FOCAD: variants seen among roughly 807,000 people sequenced by gnomAD.
FOCAD encodes focadhesin, also known as KIAA1797.
FOCAD carries 198 observed loss-of-function variants against 225.6 expected under a neutral mutation model. The observed-to-expected ratio is 0.88, with a 90% CI of 0.78 to 0.99. The LOEUF is 0.99. Ranked by LOEUF, FOCAD falls within the 50% of genes least tolerant of loss-of-function variation. The pLI is 0.00. For missense variants in FOCAD, 2,713 were observed against 2,123.6 expected, an observed-to-expected ratio of 1.28 and a Z score of -5.46; for synonymous variants, 897 against 755.0, an observed-to-expected ratio of 1.19 and a Z score of -3.08.
intron 21 of FOCAD, among the ~76,000 whole-genome samples, chr9:20,894,974 A>G (rs1272475676): frequency 2.0e-5 from 3 of 152,182 alleles, no homozygotes; most frequent in South Asian, 2.1e-4. Context: ...GTTGATATCT[A>G]TAATCTATTT....
intron 16 of FOCAD, among the ~76,000 whole-genome samples, chr9:20,865,578 G>T (rs752038325): frequency 1.3e-5 from 2 of 152,000 alleles, no homozygotes; most frequent in African/African-American, 4.8e-5. Flanking sequence ...ACCATGTGCC[G>T]TATGGCCACA....
intron 8 of FOCAD, among the ~76,000 whole-genome samples, chr9:20,776,944 A>G (rs547406542): frequency 3.9e-5 from 6 of 152,330 alleles, no homozygotes; most frequent in Admixed American, 6.5e-5. Flanking sequence ...GTTGGTTTCA[A>G]AATGCATGTA....
intron 1 of FOCAD, among the ~76,000 whole-genome samples, chr9:20,688,811 GT>G (rs1300212634): frequency 6.6e-6 from 1 of 152,192 alleles, no homozygotes; most frequent in Non-Finnish European, 1.5e-5. Context: ...GCTAACTACA[GT>G]TTTTGGAAGG....
At chr9:20,706,424 G>A (rs1824393752) in intron 1 of FOCAD, among the ~76,000 whole-genome samples, 1 of 152,080 alleles carries the variant, frequency 6.6e-6, no homozygotes, top group Admixed American at 6.6e-5. Context: ...TTTATTAAAT[G>A]GCAGCCAGTG....
chr9:20,991,835 A>C (rs2132711464), intron 42 of FOCAD, among the ~76,000 whole-genome samples: 1 of 146,306 alleles, frequency 6.8e-6, no homozygotes, highest in African/African-American at 2.5e-5. Context: ...AAAAAAAAAA[A>C]TTTAAATGTG....
intron 9 of FOCAD, among the ~76,000 whole-genome samples, chr9:20,779,489 G>A (rs1240926233): frequency 2.0e-5 from 3 of 152,212 alleles, no homozygotes; most frequent in Non-Finnish European, 4.4e-5. Context: ...GCTCATGCTT[G>A]TAATCCCAAC....
intron 11 of FOCAD, among the ~76,000 whole-genome samples, chr9:20,808,152 G>A (rs1822664769): frequency 6.6e-6 from 1 of 152,172 alleles, no homozygotes; most frequent in Non-Finnish European, 1.5e-5. Flanking sequence ...ATTAAGAACA[G>A]GAGTTTTTCA....
rs542695384 is a variant in FOCAD at position 20,874,901 on chromosome 9, AC to A, written c.2317+96del. The stretch of plus-strand genomic sequence containing the variant: ...TGTGATAGGTACATAGTATAGTTTA[AC>A]CTTATGTGCTTATTTTTTAACCAGA... On this transcript the variant is annotated intron_variant, in intron 19 of 43. Coordinates refer to ENST00000338382, the MANE Select transcript of FOCAD (RefSeq NM_001375567.1). The A allele has an allele frequency of 1.4e-4, 201 of 1,464,754 alleles. No homozygotes were observed. In the Middle Eastern group the frequency reaches 1.6e-3, roughly 11 times the overall value. The allele number at this position is 1,464,754 out of a possible 1,614,324, so 90.7% of individuals were successfully genotyped here.
intron 35 of FOCAD, among the ~76,000 whole-genome samples, chr9:20,955,438 A>G (rs1394825871): frequency 6.6e-6 from 1 of 152,094 alleles, no homozygotes; most frequent in Non-Finnish European, 1.5e-5. Context: ...TTTCATGCAG[A>G]CCCACATTTT....
chr9:20,834,147 C>G (rs1825767006), intron 15 of FOCAD, among the ~76,000 whole-genome samples: 1 of 152,080 alleles, frequency 6.6e-6, no homozygotes, highest in Non-Finnish European at 1.5e-5. Context: ...ATGTCCATTG[C>G]AGGGACATGG....
At chr9:20,747,459 T>C (rs1276445958) in intron 5 of FOCAD, among the ~76,000 whole-genome samples, 2 of 152,192 alleles carry the variant, frequency 1.3e-5, no homozygotes, top group South Asian at 2.1e-4. Flanking sequence ...TTATGTACTA[T>C]AAAATTCACT....
At chr9:20,883,645 T>G (rs1007640097) in intron 20 of FOCAD, among the ~76,000 whole-genome samples, 1 of 152,156 alleles carries the variant, frequency 6.6e-6, no homozygotes, top group Non-Finnish European at 1.5e-5. Context: ...TACTTATAAG[T>G]AATGGATGGA....
chr9:20,779,877 C>A (rs991297376), intron 9 of FOCAD, among the ~76,000 whole-genome samples: 3 of 152,092 alleles, frequency 2.0e-5, no homozygotes, highest in African/African-American at 7.2e-5. Context: ...GGCTTTAGCA[C>A]ATGGAGGGGA....
intron 8 of FOCAD, among the ~76,000 whole-genome samples, chr9:20,774,392 A>G (rs183722568): frequency 1.1e-4 from 17 of 152,300 alleles, no homozygotes; most frequent in Admixed American, 6.5e-4. Flanking sequence ...GCCTAGTTCT[A>G]TTAATTCATT....
intron 7 of FOCAD, among the ~76,000 whole-genome samples, chr9:20,769,220 T>C (rs1817927233): frequency 6.6e-6 from 1 of 152,224 alleles, no homozygotes; most frequent in Non-Finnish European, 1.5e-5. Context: ...AATTTTTCTC[T>C]CTGTGTATAA....
chr9:20,991,387 TCTGAA>T (rs1430100972), intron 42 of FOCAD, among the ~76,000 whole-genome samples: 1 of 152,202 alleles, frequency 6.6e-6, no homozygotes, highest in Admixed American at 6.5e-5. Context: ...TAAAAACATT[TCTGAA>T]CTGTAGACCC....
intron 39 of FOCAD, among the ~76,000 whole-genome samples, chr9:20,985,231 T>C (rs1458799983): frequency 6.6e-6 from 1 of 152,200 alleles, no homozygotes; most frequent in Admixed American, 6.5e-5. Flanking sequence ...CCATGCATGG[T>C]TTTGTAATAT....
chr9:20,664,990 A>G (rs914658197), intron 2 of FOCAD, among the ~76,000 whole-genome samples: 20 of 151,990 alleles, frequency 1.3e-4, no homozygotes, highest in African/African-American at 4.3e-4. Flanking sequence ...TAAAACTAGT[A>G]TTCTGCCTTA....
chr9:20,662,363 G>A lies in FOCAD; in HGVS notation c.-78+3537G>A, dbSNP rs146745254. On this transcript the variant is annotated intron_variant, in intron 2 of 45. Coordinates refer to the FOCAD transcript ENST00000380249. ...AGCTCCTTTAGGGTCAGCCTCGGGG[G>A]TAAAGAGCCATCTTAGCCAAAGTCA... Among the ~76,000 whole-genome samples the A allele has an allele frequency of 3.2e-3, 494 of 152,276 alleles. 3 individuals carry two copies. The highest frequency in any genetic ancestry group is 0.012 in the African/African-American group (480 of 41,562).
Sources: allele counts gnomAD v4.1 joint callset (sites outside exome capture counted in the v4.1 genomes callset), GRCh38; gene constraint gnomAD v4.1.1; transcripts MANE v1.5; gene names NCBI Gene and HGNC (gene_info 2026-07-23, HGNC 2026-07-21).